Variants in TRDN observed in about 807,000 individuals in gnomAD.
TRDN encodes the protein triadin, also known as triadin in skeletal muscle.
Under a neutral mutation model 149.7 loss-of-function variants are expected in TRDN, and 161 were observed. The observed-to-expected ratio is 1.08, with a 90% CI of 0.95 to 1.23. The LOEUF (loss-of-function observed/expected upper bound fraction) is 1.23. Among genes scored for constraint, TRDN ranks in the 50% most tolerant of loss-of-function variants. The pLI, the probability that TRDN is intolerant of heterozygous loss-of-function variation, is 0.00. For missense variants in TRDN, 896 were observed against 823.5 expected (o/e 1.09, Z -1.08); for synonymous variants, 294 against 250.5 (o/e 1.17, Z -1.64).
intron 22 of TRDN, among the ~76,000 whole-genome samples, chr6:123,334,846 G>GTAA (rs1368879273): frequency 2.6e-5 from 4 of 152,070 alleles, no homozygotes; most frequent in African/African-American, 7.2e-5. Context: ...TGATTTCCTT[G>GTAA]TAATAATGCT....
At chr6:123,558,885 C>T (rs776122230) in intron 2 of TRDN, among the ~76,000 whole-genome samples, 11 of 152,238 alleles carry the variant, frequency 7.2e-5, no homozygotes, top group Non-Finnish European at 1.5e-4. Flanking sequence ...GGGATTCCTC[C>T]AGAACCTCCT....
chr6:123,238,443 T>C (rs532028384), intron 38 of TRDN, among the ~76,000 whole-genome samples: 2 of 152,002 alleles, frequency 1.3e-5, no homozygotes, highest in South Asian at 4.2e-4. Flanking sequence ...ACTAAAGTAA[T>C]AGAAATAAGG....
At chr6:123,559,327 A>C (rs144221208) in intron 2 of TRDN, among the ~76,000 whole-genome samples, 4,680 of 148,002 alleles carry the variant, frequency 0.032, 106 homozygotes, top group African/African-American at 0.06. Flanking sequence ...CTGGTGCCAA[A>C]TTAGACAATA....
At chr6:123,260,659 A>G in intron 33 of TRDN, 21 bp from the exon 34 acceptor site, 1 of 1,446,658 alleles carries the variant, frequency 6.9e-7, no homozygotes, top group South Asian at 1.4e-5. Context: ...AAAAAAAAAA[A>G]GAATGTAGAA....
chr6:123,301,190 C>A (rs980083230), intron 24 of TRDN, among the ~76,000 whole-genome samples: 4 of 151,962 alleles, frequency 2.6e-5, no homozygotes, highest in African/African-American at 9.7e-5. Context: ...CCCCATTCAT[C>A]TCTGTTTATA....
intron 1 of TRDN, among the ~76,000 whole-genome samples, chr6:123,576,971 T>TA (rs536988800): frequency 2.5e-4 from 37 of 145,160 alleles, no homozygotes; most frequent in South Asian, 8.7e-4. Context: ...TAAAATAAAA[T>TA]AAAAAAAAAA....
chr6:123,243,251 G>A (rs1030876139), intron 38 of TRDN, among the ~76,000 whole-genome samples: 1 of 152,154 alleles, frequency 6.6e-6, no homozygotes, highest in Admixed American at 6.5e-5. Context: ...CTGCCCTGGG[G>A]CTAACATCAC....
intron 1 of TRDN, among the ~76,000 whole-genome samples, chr6:123,621,830 T>C (rs955538382): frequency 6.6e-6 from 1 of 152,252 alleles, no homozygotes; most frequent in Non-Finnish European, 1.5e-5. Context: ...GGAGCCTTAA[T>C]TGGGAAGCGA....
Position 123,350,146 on chromosome 6 carries a change from T to C in TRDN, c.1369+2393A>G, listed in dbSNP as rs983876087. The C allele has an allele frequency of 5.1e-6, 5 of 971,322 alleles. No individual in the cohort carries two copies. The African/African-American group carries it at 7.0e-5, about 14-fold the overall frequency. The allele number at this position is 971,322 out of a possible 1,614,324, so 60.2% of individuals were successfully genotyped here. On this transcript the variant is annotated intron_variant, in intron 21 of 40. Coordinates refer to ENST00000334268, the MANE Select transcript of TRDN (RefSeq NM_006073.4). ...CTGTGTTAAAATTTATTCTTGATGG[T>C]TAGTAGACAAATCTTATTTAATTAC...
At chr6:123,397,690 T>C (rs770475812) in intron 12 of TRDN, among the ~76,000 whole-genome samples, 12 of 152,172 alleles carry the variant, frequency 7.9e-5, no homozygotes, top group Non-Finnish European at 1.5e-4. Flanking sequence ...ACTCTAAATT[T>C]TAGAACTAGA....
intron 38 of TRDN, among the ~76,000 whole-genome samples, chr6:123,244,306 A>G (rs574640497): frequency 1.3e-5 from 2 of 152,168 alleles, no homozygotes; most frequent in Non-Finnish European, 2.9e-5. Context: ...TCCAAGCTAA[A>G]GGAGCATGTT....
intron 16 of TRDN, among the ~76,000 whole-genome samples, chr6:123,380,884 C>T (rs1344149327): frequency 6.6e-6 from 1 of 151,840 alleles, no homozygotes; most frequent in Non-Finnish European, 1.5e-5. Flanking sequence ...CCCTATTAGA[C>T]AGAGCTCATA....
chr6:123,492,337 T>A (rs969220697), intron 9 of TRDN, among the ~76,000 whole-genome samples: 15 of 152,120 alleles, frequency 9.9e-5, no homozygotes, highest in Admixed American at 1.3e-4. Flanking sequence ...CTAAAAAAAA[T>A]TATTAAAATT....
chr6:123,279,102 T>A lies in TRDN; in HGVS notation c.1511-20A>T, dbSNP rs773044428. The A allele has an allele frequency of 8.1e-6, 13 of 1,595,960 alleles. No individual in the cohort carries two copies. The highest frequency in any genetic ancestry group is 3.4e-5 in the South Asian group (3 of 89,500). On this transcript the variant is annotated intron_variant, in intron 24 of 40. Coordinates refer to ENST00000334268, the MANE Select transcript of TRDN (RefSeq NM_006073.4). ...CTTTGCCTAGAAAAAAGTAAAAAAA[T>A]TATTAAAGGCTGAGTCATACAATTC... is the stretch of plus-strand genomic sequence containing the variant.
At chr6:123,381,327 G>GT (rs748835708) in intron 16 of TRDN, 43 bp downstream of exon 16, 11 of 1,498,396 alleles carry the variant, frequency 7.3e-6, no homozygotes, top group Admixed American at 4.0e-5. Flanking sequence ...AATAATAGTA[G>GT]TAAAAAAAAA....
chr6:123,572,190 G>C (rs1325001575), intron 1 of TRDN, among the ~76,000 whole-genome samples: 1 of 152,048 alleles, frequency 6.6e-6, no homozygotes, highest in Non-Finnish European at 1.5e-5. Context: ...GAAATGAGCT[G>C]TTTGTATGTT....
At chr6:123,443,779 C>A (rs1408782150) in intron 10 of TRDN, among the ~76,000 whole-genome samples, 1 of 147,928 alleles carries the variant, frequency 6.8e-6, no homozygotes, top group African/African-American at 2.6e-5. Context: ...AATAGGGAAT[C>A]CTTTCCCCAT....
In TRDN at chr6:123,426,074, G is replaced by A. The variant is rs1380805860; in HGVS notation, c.1051+11989C>T. Among the ~76,000 whole-genome samples, 3 of 152,032 alleles carry A rather than the reference G, an allele frequency of 2.0e-5. No homozygotes were observed. The East Asian group carries it at 5.8e-4, about 29-fold the overall frequency. ...AAGGCATACTGTGCACCAGTGGAAGGATTTTTCATAGAAGTATGAACATTG... is the reference window on the plus strand; with the variant it reads ...AAGGCATACTGTGCACCAGTGGAAGAATTTTTCATAGAAGTATGAACATTG... On this transcript the variant is annotated intron_variant, in intron 12 of 40. Coordinates refer to ENST00000334268, the MANE Select transcript of TRDN (RefSeq NM_006073.4).
chr6:123,432,054 T>C (rs1309884362), intron 12 of TRDN, among the ~76,000 whole-genome samples: 5 of 152,180 alleles, frequency 3.3e-5, no homozygotes, highest in Admixed American at 3.3e-4. Flanking sequence ...ATGTATCCCT[T>C]AAACAGCACA....
Sources: gnomAD v4.1 joint callset for allele counts (sites outside exome capture counted in the v4.1 genomes callset) on GRCh38, gnomAD v4.1.1 for gene constraint, MANE v1.5 for transcripts, NCBI Gene and HGNC (gene_info 2026-07-23, HGNC 2026-07-21) for gene names.